Variants in MLLT3 observed in about 807,000 individuals in gnomAD.
The protein encoded by MLLT3 is protein AF-9.
Under a neutral mutation model 53.2 loss-of-function variants are expected in MLLT3, and 4 were observed. That is an observed-to-expected ratio of 0.08 (90% CI 0.04 to 0.17). The LOEUF (loss-of-function observed/expected upper bound fraction) is 0.17, where lower values mean the gene tolerates loss of function less well. Ranked by LOEUF, MLLT3 falls within the 10% of genes least tolerant of loss-of-function variation. The pLI, the probability that MLLT3 is intolerant of heterozygous loss-of-function variation, is 1.00. For missense variants in MLLT3, 569 were observed against 684.0 expected (o/e 0.83, Z 1.87); for synonymous variants, 283 against 230.6 (o/e 1.23, Z -2.06).
At chr9:20,613,040 A>T (rs1315822054) in intron 2 of MLLT3, among the ~76,000 whole-genome samples, 3 of 152,210 alleles carry the variant, frequency 2.0e-5, no homozygotes, top group Non-Finnish European at 4.4e-5. Flanking sequence ...GGAAAACAGA[A>T]AAGTAAAGTA....
At chr9:20,471,653 T>C (rs1824397866) in intron 2 of MLLT3, among the ~76,000 whole-genome samples, 2 of 152,068 alleles carry the variant, frequency 1.3e-5, no homozygotes, top group Non-Finnish European at 2.9e-5. Flanking sequence ...AGAAACTTGA[T>C]TTGTAAATGC....
intron 2 of MLLT3, among the ~76,000 whole-genome samples, chr9:20,609,981 A>G (rs1164053893): frequency 6.6e-6 from 1 of 152,176 alleles, no homozygotes; most frequent in Admixed American, 6.6e-5. Flanking sequence ...GCTATTTAAT[A>G]AAGGGTAGTT....
At position 20,343,907 on chromosome 9, in the gene MLLT3, A is replaced by C. The variant is rs1183117256; in HGVS notation, c.*2536T>G. The stretch of plus-strand genomic sequence containing the variant: ...GAGGTATTAAAACTACTTGAAATTA[A>C]TTCAAAGGGATCTTTTTATTTCTGT... On this transcript the variant is annotated 3_prime_UTR_variant, in exon 11 of 11. Coordinates refer to ENST00000380338, the MANE Select transcript of MLLT3 (RefSeq NM_004529.4). 2 of 203,370 alleles carry C rather than the reference A, an allele frequency of 9.8e-6. No homozygotes were observed. The highest frequency in any genetic ancestry group is 4.6e-5 in the African/African-American group (2 of 43,744). 12.6% of individuals were successfully genotyped at this position (203,370 alleles called of 1,614,324 possible). A position where few individuals can be genotyped will look rare whatever the true frequency, so the allele number is the denominator to read the frequency against.
intron 2 of MLLT3, among the ~76,000 whole-genome samples, chr9:20,598,968 T>C (rs1174851799): frequency 6.6e-6 from 1 of 152,230 alleles, no homozygotes; most frequent in African/African-American, 2.4e-5. Flanking sequence ...GATTAAGAGA[T>C]GTGCCAAATT....
chr9:20,375,074 T>A (rs1821723428), intron 5 of MLLT3, among the ~76,000 whole-genome samples: 1 of 152,208 alleles, frequency 6.6e-6, no homozygotes, highest in African/African-American at 2.4e-5. Flanking sequence ...CCAGATTCCT[T>A]GTTGGACTTC....
At chr9:20,596,060 A>G (rs924789231) in intron 2 of MLLT3, among the ~76,000 whole-genome samples, 2 of 152,234 alleles carry the variant, frequency 1.3e-5, no homozygotes, top group African/African-American at 4.8e-5. Context: ...CTAGCCATGA[A>G]AGACAATATA....
At chr9:20,523,924 T>C (rs139400705) in intron 2 of MLLT3, among the ~76,000 whole-genome samples, 65 of 150,502 alleles carry the variant, frequency 4.3e-4, no homozygotes, top group African/African-American at 1.6e-3. Flanking sequence ...TGAGCCAAGA[T>C]CATGCCACTG....
At chr9:20,576,981 C>G (rs1005501114) in intron 2 of MLLT3, among the ~76,000 whole-genome samples, 18 of 152,078 alleles carry the variant, frequency 1.2e-4, no homozygotes, top group Middle Eastern at 3.2e-3. Context: ...TCTCAAAAAC[C>G]AAATCACACT....
intron 2 of MLLT3, among the ~76,000 whole-genome samples, chr9:20,582,220 A>C (rs968582219): frequency 2.6e-5 from 4 of 152,176 alleles, no homozygotes; most frequent in African/African-American, 9.7e-5. Flanking sequence ...TGATAAACCA[A>C]CATTGACACA....
chr9:20,486,197 T>C (rs1824807790), intron 2 of MLLT3, among the ~76,000 whole-genome samples: 1 of 152,230 alleles, frequency 6.6e-6, no homozygotes, highest in East Asian at 1.9e-4. Context: ...CAAAAACATA[T>C]AACCAGAAAT....
chr9:20,498,734 T>C (rs911866652), intron 2 of MLLT3, among the ~76,000 whole-genome samples: 14 of 152,176 alleles, frequency 9.2e-5, no homozygotes, highest in Admixed American at 4.6e-4. Context: ...AGCCAAAAGA[T>C]TGGACACCCC....
At chr9:20,561,086 G>T (rs1254907693) in intron 2 of MLLT3, among the ~76,000 whole-genome samples, 1 of 152,194 alleles carries the variant, frequency 6.6e-6, no homozygotes, top group East Asian at 1.9e-4. Flanking sequence ...TTTTGTGTGT[G>T]TGTGTGCTGC....
chr9:20,435,794 T>C lies in MLLT3; in HGVS notation c.420+12329A>G, dbSNP rs182748758. On this transcript the variant is annotated intron_variant, in intron 4 of 10. Coordinates refer to ENST00000380338, the MANE Select transcript of MLLT3 (RefSeq NM_004529.4). The stretch of plus-strand genomic sequence containing the variant: ...AGCAGAAACAAAAGAATAAAAATCT[T>C]CTGCCAGAAGTCTTCCAGGACTTGA... Among the ~76,000 whole-genome samples the C allele has an allele frequency of 2.6e-5, 4 of 152,264 alleles. No homozygotes were observed. The East Asian group carries it at 7.7e-4, about 29-fold the overall frequency.
intron 2 of MLLT3, among the ~76,000 whole-genome samples, chr9:20,589,832 TC>T (rs1335557509): frequency 6.6e-6 from 1 of 151,636 alleles, no homozygotes; most frequent in Non-Finnish European, 1.5e-5. Flanking sequence ...TGCCTCAGCC[TC>T]CCAAGTAGCT....
At position 20,387,218 on chromosome 9, in the gene MLLT3, T is replaced by A. The variant is rs78698841; in HGVS notation, c.1126-21474A>T. Reference sequence around the variant, plus strand: ...CTCTACTCTTGTAGCATGAAAGCAGTCGCAGACAGTATGTAAACAAGTGGC... The same window carrying A: ...CTCTACTCTTGTAGCATGAAAGCAGACGCAGACAGTATGTAAACAAGTGGC... On this transcript the variant is annotated intron_variant, in intron 5 of 10. Coordinates refer to ENST00000380338, the MANE Select transcript of MLLT3 (RefSeq NM_004529.4). 8.8e-3 allele frequency among the ~76,000 whole-genome samples: 1,347 copies of A among 152,312 alleles called. 8 individuals carry two copies. The highest frequency in any genetic ancestry group is 0.014 in the Non-Finnish European group (936 of 68,024).
intron 4 of MLLT3, among the ~76,000 whole-genome samples, chr9:20,422,836 GTGATGGTGACAA>G (rs530336778): frequency 8.1e-4 from 123 of 152,298 alleles, no homozygotes; most frequent in Non-Finnish European, 1.3e-3. Context: ...ATGTGGGACA[GTGATGGTGACAA>G]TGATGGTGAC....
intron 2 of MLLT3, among the ~76,000 whole-genome samples, chr9:20,463,412 A>C (rs1213237482): frequency 6.6e-6 from 1 of 152,046 alleles, no homozygotes; most frequent in East Asian, 1.9e-4. Flanking sequence ...GGAATATAAC[A>C]GCTATGTTAA....
intron 7 of MLLT3, among the ~76,000 whole-genome samples, chr9:20,361,622 G>T (rs1821324473): frequency 6.6e-6 from 1 of 152,152 alleles, no homozygotes; most frequent in South Asian, 2.1e-4. Context: ...AAACTACAAT[G>T]ATATATTTTA....
At chr9:20,594,861 G>C (rs914995972) in intron 2 of MLLT3, among the ~76,000 whole-genome samples, 11 of 152,286 alleles carry the variant, frequency 7.2e-5, no homozygotes, top group African/African-American at 2.6e-4. Flanking sequence ...CCAAAAAGGA[G>C]AGGAACCCTC....
Sources: gnomAD v4.1 joint callset for allele counts (sites outside exome capture counted in the v4.1 genomes callset) on GRCh38, gnomAD v4.1.1 for gene constraint, MANE v1.5 for transcripts, NCBI Gene and HGNC (gene_info 2026-07-23, HGNC 2026-07-21) for gene names.